FAM228A: variants seen among roughly 807,000 people sequenced by gnomAD.
The protein encoded by FAM228A is protein FAM228A.
FAM228A carries 13 observed loss-of-function variants against 18.6 expected under a neutral mutation model. The observed-to-expected ratio is 0.70, with a 90% CI of 0.45 to 1.11. The LOEUF (loss-of-function observed/expected upper bound fraction) is 1.11. FAM228A is among the 50% of genes least tolerant of loss of function. FAM228A has a pLI of 0.00. For synonymous variants in FAM228A, 77 were observed against 86.6 expected, an observed-to-expected ratio of 0.89 and a Z score of 0.61; for missense variants, 240 against 242.2, an observed-to-expected ratio of 0.99 and a Z score of 0.06.
intron 1 of FAM228A, 128 bp downstream of exon 1, chr2:24,175,302 G>A (rs980900374): frequency 1.1e-5 from 7 of 613,730 alleles, no homozygotes; most frequent in Admixed American, 2.9e-5. Flanking sequence ...GTGGGTAGCC[G>A]GGCCTGTTGA....
intron 5 of FAM228A, among the ~76,000 whole-genome samples, chr2:24,184,089 T>C (rs10445892): frequency 0.6 from 91,936 of 152,130 alleles, 28,553 homozygotes; most frequent in East Asian, 0.74. Context: ...TATTAAGATA[T>C]AGTTTACAGG....
chr2:24,175,782 G>A, intron 2 of FAM228A: 1 of 837,194 alleles, frequency 1.2e-6, no homozygotes, highest in South Asian at 1.9e-5. Context: ...GCGCACCGAC[G>A]GGGGCGGGCA....
Position 24,190,439 on chromosome 2 carries a change from G to T in FAM228A, c.429G>T (p.Lys143Asn). The T allele has an allele frequency of 6.2e-7, 1 of 1,613,546 alleles. No individual in the cohort carries two copies. Among genetic ancestry groups the T allele is most frequent in the Non-Finnish European group, 8.5e-7 (1 of 1,179,874 alleles). ...YSPEKLIYADKKQKRKEKKTA... is the reference protein window; with the variant it reads ...YSPEKLIYADNKQKRKEKKTA... ...CTGAAAAGCTCATCTATGCAGACAA[G>T]AAACAGAAAAGAAAAGAGAAAAAGA... Residue 143 changes from lysine to asparagine, a missense_variant, in exon 6 of 6, where the codon AAG becomes AAT. Physicochemically the swap from Lys to Asn is moderately conservative, Grantham distance 94. Coordinates refer to ENST00000295150, the MANE Select transcript of FAM228A (RefSeq NM_001040710.3).
chr2:24,190,617 C>T lies in FAM228A; in HGVS notation c.607C>T (p.Leu203=). 16 of 1,556,058 alleles carry T rather than the reference C, an allele frequency of 1.0e-5. No homozygotes were observed. Among genetic ancestry groups the T allele is most frequent in the Non-Finnish European group, 1.4e-5 (16 of 1,153,450 alleles). ...TTGCAGCACCCACGAGCAGCACATA[C>T]TGGTTCCAGAATGAGCCACCGCCAC... ...GLCSTHEQHI[L]VPE The change falls in exon 6 of 6, where the codon CTG becomes TTG. Residue 203 remains leucine, a synonymous_variant. Coordinates refer to ENST00000295150, the MANE Select transcript of FAM228A (RefSeq NM_001040710.3).
At chr2:24,184,719 A>G (rs1266637824) in intron 5 of FAM228A, among the ~76,000 whole-genome samples, 1 of 152,084 alleles carries the variant, frequency 6.6e-6, no homozygotes, top group Non-Finnish European at 1.5e-5. Flanking sequence ...TCTGTCGTCC[A>G]GGCTGGAATG....
At position 24,191,370 on chromosome 2, in the gene FAM228A, C is replaced by G; in HGVS notation, c.*739C>G. 1.0e-6 allele frequency: 1 copy of G among 985,532 alleles called. No homozygotes were observed. The highest frequency in any genetic ancestry group is 1.2e-6 in the Non-Finnish European group (1 of 830,042). 61.0% of individuals were successfully genotyped at this position (985,532 alleles called of 1,614,324 possible). Reference sequence around the variant, plus strand: ...TGAGCCTGGATAGGTATTTTGTGACCCAGCTCCTGCTCAGTCCCATCGCTG... The same window carrying G: ...TGAGCCTGGATAGGTATTTTGTGACGCAGCTCCTGCTCAGTCCCATCGCTG... On this transcript the variant is annotated 3_prime_UTR_variant, in exon 6 of 6. Coordinates refer to ENST00000295150, the MANE Select transcript of FAM228A (RefSeq NM_001040710.3).
chr2:24,175,778 C>T (rs759921877), intron 2 of FAM228A: 3 of 818,776 alleles, frequency 3.7e-6, no homozygotes, highest in Non-Finnish European at 5.3e-6. Context: ...GCTGGCGCAC[C>T]GACGGGGGCG....
chr2:24,188,801 T>C (rs1668014412), intron 5 of FAM228A: 1 of 313,956 alleles, frequency 3.2e-6, no homozygotes, highest in Non-Finnish European at 4.6e-6. Flanking sequence ...TTCTGCTTTT[T>C]CTTCTCTATT....
intron 3 of FAM228A, 21 bp downstream of exon 3, chr2:24,177,891 G>C: frequency 1.3e-6 from 2 of 1,520,574 alleles, no homozygotes; most frequent in Non-Finnish European, 1.8e-6. Context: ...GCTCCACGCT[G>C]CATTCTACAT....
Position 24,190,637 on chromosome 2 carries a change from C to T in FAM228A, c.*6C>T, listed in dbSNP as rs764670402. ...ACATACTGGTTCCAGAATGAGCCAC[C>T]GCCACAGCCCTCCCTGTCAGACAGG... On this transcript the variant is annotated 3_prime_UTR_variant, in exon 6 of 6. Coordinates refer to ENST00000295150, the MANE Select transcript of FAM228A (RefSeq NM_001040710.3). The T allele has an allele frequency of 9.2e-6, 14 of 1,528,206 alleles. No individual in the cohort carries two copies. The highest frequency in any genetic ancestry group is 9.1e-5 in the South Asian group (7 of 77,200). 94.7% of individuals were successfully genotyped at this position (1,528,206 alleles called of 1,614,324 possible). A position where few individuals can be genotyped will look rare whatever the true frequency, so the allele number is the denominator to read the frequency against.
intron 1 of FAM228A, 33 bp downstream of exon 1, chr2:24,175,207 T>G: frequency 5.1e-6 from 2 of 393,250 alleles, no homozygotes; most frequent in Non-Finnish European, 4.6e-6. Flanking sequence ...GGCCTGGGGG[T>G]CGCGGAGCCC....
intron 5 of FAM228A, among the ~76,000 whole-genome samples, chr2:24,185,204 A>G (rs1203479966): frequency 2.0e-5 from 3 of 152,140 alleles, no homozygotes; most frequent in Non-Finnish European, 4.4e-5. Flanking sequence ...GTGGGGCCCA[A>G]TTGAATTTTT....
intron 2 of FAM228A, among the ~76,000 whole-genome samples, chr2:24,176,902 C>T (rs1221179949): frequency 6.6e-6 from 1 of 152,160 alleles, no homozygotes; most frequent in African/African-American, 2.4e-5. Flanking sequence ...AGAATAAAAG[C>T]TAGAGATTAG....
intron 4 of FAM228A, 53 bp downstream of exon 4, chr2:24,183,425 A>G: frequency 5.0e-6 from 8 of 1,610,582 alleles, no homozygotes; most frequent in Non-Finnish European, 6.8e-6. Flanking sequence ...TTGTCCAGTG[A>G]TTTCTCACTC....
At chr2:24,190,039 C>T (rs568575421) in intron 5 of FAM228A, among the ~76,000 whole-genome samples, 2 of 152,180 alleles carry the variant, frequency 1.3e-5, no homozygotes, top group Non-Finnish European at 2.9e-5. Flanking sequence ...TCTTTCTTTG[C>T]ACATGGGCTT....
intron 3 of FAM228A, among the ~76,000 whole-genome samples, chr2:24,180,587 T>C (rs1288622544): frequency 1.3e-5 from 2 of 152,196 alleles, no homozygotes; most frequent in African/African-American, 4.8e-5. Context: ...TGCAAAGTCT[T>C]ATATTTGTGT....
intron 2 of FAM228A, 183 bp downstream of exon 2, chr2:24,175,756 G>A: frequency 2.6e-6 from 2 of 762,442 alleles, no homozygotes; most frequent in Non-Finnish European, 2.0e-6. Flanking sequence ...GTTTCCAGTC[G>A]CCAGCCTGGG....
intron 5 of FAM228A, among the ~76,000 whole-genome samples, chr2:24,186,675 G>T (rs1667956457): frequency 6.6e-6 from 1 of 151,868 alleles, no homozygotes; most frequent in African/African-American, 2.4e-5. Context: ...GTCTTGCTCT[G>T]TTACCCAGGC....
intron 5 of FAM228A, among the ~76,000 whole-genome samples, chr2:24,187,288 A>T (rs562254730): frequency 6.6e-6 from 1 of 152,192 alleles, no homozygotes; most frequent in Admixed American, 6.5e-5. Context: ...ACTTAACTTT[A>T]TTTTTCGTAA....
Sources: allele counts gnomAD v4.1 joint callset (sites outside exome capture counted in the v4.1 genomes callset), GRCh38; gene constraint gnomAD v4.1.1; transcripts MANE v1.5; gene names NCBI Gene and HGNC (gene_info 2026-07-23, HGNC 2026-07-21).